ST6GALNAC5: variants seen among roughly 807,000 people sequenced by gnomAD.
ST6GALNAC5 encodes alpha-N-acetylgalactosaminide alpha-2,6-sialyltransferase 5.
In ST6GALNAC5, 27 loss-of-function variants were observed where a neutral mutation model predicts 33.6. That is an observed-to-expected ratio of 0.80 (90% confidence interval 0.59 to 1.11). ST6GALNAC5 has a LOEUF of 1.11. Ranked by LOEUF, ST6GALNAC5 falls within the 50% of genes least tolerant of loss-of-function variation. The pLI is 0.00. For synonymous variants in ST6GALNAC5, 194 were observed against 171.2 expected (o/e 1.13, Z -1.04); for missense variants, 428 against 454.0 (o/e 0.94, Z 0.52).
Position 76,968,154 on chromosome 1 carries a change from G to C in ST6GALNAC5, c.262-76050G>C, listed in dbSNP as rs377635824. 2.0e-5 allele frequency among the ~76,000 whole-genome samples: 3 copies of C among 152,124 alleles called. No homozygotes were observed. The East Asian group carries it at 5.8e-4, about 29-fold the overall frequency. ...GATATCCTTGTTAACCTTCTGTCTC[G>C]TTGATCTGTCTAATATTGATAGTGG... On this transcript the variant is annotated intron_variant, in intron 2 of 4. Transcript: ENST00000477717.
chr1:77,049,385 A>G (rs1332172585), intron 3 of ST6GALNAC5, among the ~76,000 whole-genome samples: 3 of 152,178 alleles, frequency 2.0e-5, no homozygotes, highest in African/African-American at 7.2e-5. Context: ...GGAAAAGTAA[A>G]AGCAGCAACC....
intron 4 of ST6GALNAC5, among the ~76,000 whole-genome samples, chr1:77,051,032 C>T (rs946457790): frequency 6.6e-6 from 1 of 152,176 alleles, no homozygotes; most frequent in Non-Finnish European, 1.5e-5. Context: ...ACCAGAAATT[C>T]CAGAAAGTAC....
chr1:76,966,074 T>C (rs1159779612), intron 2 of ST6GALNAC5, among the ~76,000 whole-genome samples: 3 of 152,256 alleles, frequency 2.0e-5, no homozygotes, highest in Admixed American at 1.3e-4. Context: ...TGCTTAGGAT[T>C]GTCTTGGCAA....
intron 2 of ST6GALNAC5, among the ~76,000 whole-genome samples, chr1:76,953,968 A>G (rs746855306): frequency 1.4e-4 from 21 of 152,266 alleles, no homozygotes; most frequent in Non-Finnish European, 2.1e-4. Flanking sequence ...TTTAAAAATA[A>G]TGCTTGTGCG....
chr1:77,017,857 A>G (rs894530044), intron 2 of ST6GALNAC5, among the ~76,000 whole-genome samples: 1 of 152,240 alleles, frequency 6.6e-6, no homozygotes, highest in African/African-American at 2.4e-5. Context: ...GAGACATAAT[A>G]TAGTACAATG....
At position 77,064,049 on chromosome 1, in the gene ST6GALNAC5, C is replaced by G. The variant is rs895700953; in HGVS notation, c.*843C>G. ...ACTATGTTATTAAAACAAAAAAATG[C>G]TAACAAGAGAAATTTAAAGGTAGTT... On this transcript the variant is annotated 3_prime_UTR_variant, in exon 5 of 5. Transcript: ENST00000477717. The G allele has an allele frequency of 3.3e-5, 5 of 152,228 alleles. No individual in the cohort carries two copies. Among genetic ancestry groups the G allele is most frequent in the African/African-American group, 1.2e-4 (5 of 41,412 alleles). 9.4% of individuals were successfully genotyped at this position (152,228 alleles called of 1,614,324 possible).
chr1:76,995,186 T>C (rs1347960577), intron 2 of ST6GALNAC5, among the ~76,000 whole-genome samples: 2 of 152,004 alleles, frequency 1.3e-5, no homozygotes, highest in African/African-American at 4.8e-5. Flanking sequence ...TGGATAGAGG[T>C]CAGGAGTTCA....
chr1:76,922,119 C>T (rs1433341058), intron 2 of ST6GALNAC5, among the ~76,000 whole-genome samples: 5 of 152,092 alleles, frequency 3.3e-5, no homozygotes, highest in Non-Finnish European at 7.4e-5. Context: ...TCCAAGGAAT[C>T]TACAAAACAA....
chr1:76,998,773 T>A (rs1650034391), intron 2 of ST6GALNAC5, among the ~76,000 whole-genome samples: 1 of 152,184 alleles, frequency 6.6e-6, no homozygotes, highest in Non-Finnish European at 1.5e-5. Context: ...GTGTGAAATG[T>A]TTGAAGATGA....
chr1:76,878,731 A>G (rs1653706944), intron 2 of ST6GALNAC5, among the ~76,000 whole-genome samples: 1 of 152,130 alleles, frequency 6.6e-6, no homozygotes, highest in Non-Finnish European at 1.5e-5. Context: ...CTCTGTTTTT[A>G]CAATTCAAAT....
At chr1:76,950,142 G>T (rs1001326048) in intron 2 of ST6GALNAC5, among the ~76,000 whole-genome samples, 1 of 152,112 alleles carries the variant, frequency 6.6e-6, no homozygotes, top group Non-Finnish European at 1.5e-5. Context: ...AGCCCAGAGA[G>T]GTTGATTAAG....
At chr1:77,014,669 C>G (rs993900642) in intron 2 of ST6GALNAC5, among the ~76,000 whole-genome samples, 3 of 152,146 alleles carry the variant, frequency 2.0e-5, no homozygotes, top group African/African-American at 7.2e-5. Context: ...GACACAGACT[C>G]GGATTTCCAC....
At chr1:76,894,292 G>A (rs1188722128) in intron 2 of ST6GALNAC5, among the ~76,000 whole-genome samples, 1 of 152,136 alleles carries the variant, frequency 6.6e-6, no homozygotes, top group Non-Finnish European at 1.5e-5. Context: ...CTTGGTAACT[G>A]ACCTTGTGTT....
In ST6GALNAC5 at chr1:77,045,675, G is replaced by A. The variant is rs76561708; in HGVS notation, c.671+1062G>A. Among the ~76,000 whole-genome samples, 718 of 152,302 alleles carry A rather than the reference G, an allele frequency of 4.7e-3. 8 individuals are homozygous for A. The highest frequency in any genetic ancestry group is 0.016 in the African/African-American group (681 of 41,576). ...GATAAAGTAAAGGACCTGGGGAGTG[G>A]GAGGGAGAAACCTCCCTGGAGGTCC... On this transcript the variant is annotated intron_variant, in intron 3 of 4. Coordinates refer to ENST00000477717, the MANE Select transcript of ST6GALNAC5 (RefSeq NM_030965.3).
chr1:76,991,839 GCACA>G (rs4032991), intron 2 of ST6GALNAC5, among the ~76,000 whole-genome samples: 40,245 of 149,340 alleles, frequency 0.27, 7,082 homozygotes, highest in African/African-American at 0.51. Context: ...ACGCGTGTGC[GCACA>G]CACACACACA....
chr1:76,947,508 G>A (rs1236017321), intron 2 of ST6GALNAC5, among the ~76,000 whole-genome samples: 1 of 152,054 alleles, frequency 6.6e-6, no homozygotes, highest in Non-Finnish European at 1.5e-5. Flanking sequence ...GACTGAGCGG[G>A]GGAGGATTGC....
chr1:76,943,841 A>T (rs1647417755), intron 2 of ST6GALNAC5, among the ~76,000 whole-genome samples: 1 of 152,150 alleles, frequency 6.6e-6, no homozygotes, highest in Admixed American at 6.5e-5. Flanking sequence ...CATGGAAACT[A>T]CTTATAAAAT....
intron 2 of ST6GALNAC5, among the ~76,000 whole-genome samples, chr1:76,999,434 G>A (rs1010330046): frequency 6.6e-6 from 1 of 151,576 alleles, no homozygotes; most frequent in Non-Finnish European, 1.5e-5. Flanking sequence ...CTGTGGAAAT[G>A]GTGACTTGGT....
intron 2 of ST6GALNAC5, among the ~76,000 whole-genome samples, chr1:76,872,302 C>T (rs1240346428): frequency 1.3e-5 from 2 of 152,110 alleles, no homozygotes; most frequent in East Asian, 1.9e-4. Flanking sequence ...AGGACAGGCT[C>T]TTATCACAGA....
Sources: gnomAD v4.1 joint callset for allele counts (sites outside exome capture counted in the v4.1 genomes callset) on GRCh38, gnomAD v4.1.1 for gene constraint, MANE v1.5 for transcripts, NCBI Gene and HGNC (gene_info 2026-07-23, HGNC 2026-07-21) for gene names.